SPAG16: variants seen among roughly 807,000 people sequenced by gnomAD.
The protein encoded by SPAG16 is sperm-associated antigen 16 protein.
SPAG16 carries 86 observed loss-of-function variants against 80.4 expected under a neutral mutation model. The ratio of observed to expected loss-of-function variants is 1.07; its 90% CI spans 0.90 to 1.28. SPAG16 has a LOEUF of 1.28. SPAG16 is among the 50% of genes most tolerant of loss of function. The probability of loss-of-function intolerance (pLI) is 0.00; values close to 1 mark genes in which losing one functional copy is unlikely to be tolerated. For synonymous variants in SPAG16, 294 were observed against 265.9 expected (o/e 1.11, Z -1.03); for missense variants, 870 against 765.3 (o/e 1.14, Z -1.61).
chr2:213,295,048 A>G (rs1423874023), intron 1 of SPAG16, among the ~76,000 whole-genome samples: 1 of 152,192 alleles, frequency 6.6e-6, no homozygotes, highest in East Asian at 1.9e-4. Context: ...AAGCAACAGA[A>G]GTTGTTATAT....
intron 12 of SPAG16, among the ~76,000 whole-genome samples, chr2:213,953,069 T>C (rs1912506): frequency 0.33 from 49,811 of 151,238 alleles, 8,901 homozygotes; most frequent in South Asian, 0.47. Flanking sequence ...GTGAGAAATA[T>C]TACATATATG....
intron 15 of SPAG16, among the ~76,000 whole-genome samples, chr2:214,259,582 T>G (rs1690983748): frequency 6.7e-6 from 1 of 150,088 alleles, no homozygotes. Flanking sequence ...CCCTGAGCCA[T>G]TTCCTTCTTC....
chr2:213,524,932 T>C (rs1314778249), intron 10 of SPAG16, among the ~76,000 whole-genome samples: 1 of 152,138 alleles, frequency 6.6e-6, no homozygotes, highest in African/African-American at 2.4e-5. Context: ...ATGTGGGACC[T>C]GTGATTTGGG....
At chr2:213,348,020 T>C (rs2065095534) in intron 6 of SPAG16, among the ~76,000 whole-genome samples, 1 of 152,196 alleles carries the variant, frequency 6.6e-6, no homozygotes, top group South Asian at 2.1e-4. Context: ...TGTGGGAGTC[T>C]AAGTCTTTTT....
At chr2:213,462,605 G>A (rs994536521) in intron 9 of SPAG16, among the ~76,000 whole-genome samples, 1 of 152,146 alleles carries the variant, frequency 6.6e-6, no homozygotes, top group African/African-American at 2.4e-5. Context: ...TTAATAGTGA[G>A]TCTCACGAGA....
chr2:213,611,434 A>G (rs2061436496), intron 10 of SPAG16, among the ~76,000 whole-genome samples: 2 of 152,342 alleles, frequency 1.3e-5, no homozygotes, highest in South Asian at 2.1e-4. Context: ...AATAAATTTA[A>G]TGGTTACCAA....
chr2:213,672,705 T>C lies in SPAG16; in HGVS notation c.1070+182615T>C, dbSNP rs182892699. 5.7e-4 allele frequency among the ~76,000 whole-genome samples: 87 copies of C among 152,282 alleles called. 1 individual carries two copies. In the East Asian group the frequency reaches 6.9e-3, roughly 12 times the overall value. On this transcript the variant is annotated intron_variant, in intron 10 of 15. Coordinates refer to ENST00000331683, the MANE Select transcript of SPAG16 (RefSeq NM_024532.5). ...ACTGCTTTTATAATATTTATATGGG[T>C]ATCACATTATTGCCTCATCTTAATG... is the stretch of plus-strand genomic sequence containing the variant.
intron 9 of SPAG16, among the ~76,000 whole-genome samples, chr2:213,397,944 A>G (rs2068123757): frequency 6.6e-6 from 1 of 152,142 alleles, no homozygotes; most frequent in Non-Finnish European, 1.5e-5. Flanking sequence ...ACCTCCAGTT[A>G]AATGTCATTT....
intron 15 of SPAG16, among the ~76,000 whole-genome samples, chr2:214,249,642 A>T (rs1446584535): frequency 6.6e-6 from 1 of 152,230 alleles, no homozygotes; most frequent in African/African-American, 2.4e-5. Context: ...CATCACATTT[A>T]GCAGGAAAAT....
At chr2:214,017,745 T>G (rs2047663962) in intron 13 of SPAG16, among the ~76,000 whole-genome samples, 1 of 152,170 alleles carries the variant, frequency 6.6e-6, no homozygotes, top group Non-Finnish European at 1.5e-5. Flanking sequence ...ATGCATTGAA[T>G]GTAAAAGCAT....
intron 15 of SPAG16, among the ~76,000 whole-genome samples, chr2:214,379,124 G>GCTAA (rs762044784): frequency 2.0e-5 from 3 of 152,128 alleles, no homozygotes; most frequent in African/African-American, 4.8e-5. Context: ...TTTGAAAACT[G>GCTAA]CTAACTCTTC....
chr2:214,168,161 T>G (rs1253260893), intron 15 of SPAG16, among the ~76,000 whole-genome samples: 1 of 151,792 alleles, frequency 6.6e-6, no homozygotes, highest in Non-Finnish European at 1.5e-5. Flanking sequence ...AGCTAATTTT[T>G]GTATTTTTTT....
At chr2:214,336,489 T>A (rs1371847190) in intron 15 of SPAG16, among the ~76,000 whole-genome samples, 1 of 151,966 alleles carries the variant, frequency 6.6e-6, no homozygotes, top group Non-Finnish European at 1.5e-5. Context: ...ATTAGAAAAA[T>A]AGGTTGAAGA....
chr2:214,174,677 A>T (rs544547841), intron 15 of SPAG16, among the ~76,000 whole-genome samples: 1 of 151,872 alleles, frequency 6.6e-6, no homozygotes, highest in East Asian at 1.9e-4. Context: ...CAATGTGAGA[A>T]GGATTCTGTG....
chr2:213,844,863 G>A (rs184438826), intron 10 of SPAG16, among the ~76,000 whole-genome samples: 11 of 152,160 alleles, frequency 7.2e-5, no homozygotes, highest in East Asian at 1.9e-4. Context: ...AAAGGTTGTC[G>A]TAGGATAATG....
chr2:213,989,189 T>C (rs1355561590), intron 12 of SPAG16, among the ~76,000 whole-genome samples: 1 of 152,160 alleles, frequency 6.6e-6, no homozygotes, highest in African/African-American at 2.4e-5. Flanking sequence ...TAGTTACTGC[T>C]TGTTTTGTGG....
intron 15 of SPAG16, among the ~76,000 whole-genome samples, chr2:214,390,964 G>C (rs1701047312): frequency 1.3e-5 from 2 of 152,184 alleles, no homozygotes; most frequent in African/African-American, 4.8e-5. Flanking sequence ...GTTGTGAAGA[G>C]GCAGCTGGGT....
At chr2:213,387,256 A>G (rs904453083) in intron 9 of SPAG16, among the ~76,000 whole-genome samples, 6 of 151,476 alleles carry the variant, frequency 4.0e-5, no homozygotes, top group Admixed American at 2.6e-4. Flanking sequence ...TTCACCTTGT[A>G]TTTTGACCTA....
chr2:214,261,625 T>C (rs532072833), intron 15 of SPAG16, among the ~76,000 whole-genome samples: 1 of 152,336 alleles, frequency 6.6e-6, no homozygotes, highest in East Asian at 1.9e-4. Flanking sequence ...TATACATTTA[T>C]TATTTTTGCT....
Sources: gnomAD v4.1 joint callset for allele counts (sites outside exome capture counted in the v4.1 genomes callset) on GRCh38, gnomAD v4.1.1 for gene constraint, MANE v1.5 for transcripts, NCBI Gene and HGNC (gene_info 2026-07-23, HGNC 2026-07-21) for gene names.